The following ABCD3 variants were observed in gnomAD, a reference collection of about 807,000 sequenced individuals.
ABCD3 encodes the protein ATP binding cassette subfamily D member 3.
A neutral mutation model predicts 105.5 loss-of-function variants in ABCD3; 41 were observed. That is an observed-to-expected ratio of 0.39 (90% CI 0.30 to 0.50). The LOEUF is 0.50. Among genes scored for constraint, ABCD3 ranks in the 20% least tolerant of loss-of-function variants. ABCD3 has a pLI of 0.84. For missense variants in ABCD3, 622 were observed against 806.3 expected (o/e 0.77, Z 2.77); for synonymous variants, 258 against 269.0 (o/e 0.96, Z 0.40).
the ABCD3 span, among the ~76,000 whole-genome samples, chr1:94,404,969 A>G: frequency 1.3e-5 from 2 of 151,588 alleles, no homozygotes; most frequent in African/African-American, 4.8e-5. Context: ...AAAAACAAAC[A>G]GAAAAGAAAT....
intron 16 of ABCD3, among the ~76,000 whole-genome samples, chr1:94,497,263 G>T (rs961539585): frequency 2.0e-5 from 3 of 152,112 alleles, no homozygotes; most frequent in Non-Finnish European, 4.4e-5. Context: ...AAGGGTAGAG[G>T]TTTTTGGTTT....
chr1:94,440,917 A>T (rs773794262), intron 1 of ABCD3, among the ~76,000 whole-genome samples: 10 of 152,156 alleles, frequency 6.6e-5, no homozygotes, highest in Non-Finnish European at 1.5e-4. Flanking sequence ...TTTTTAATAA[A>T]TGCCAGTAGA....
intron 1 of ABCD3, among the ~76,000 whole-genome samples, chr1:94,456,287 TTTTTG>T (rs2100953997): frequency 2.0e-5 from 2 of 101,282 alleles, no homozygotes; most frequent in South Asian, 6.9e-4. Flanking sequence ...TTTTTTTTTT[TTTTTG>T]GAGACGGAGT....
chr1:94,472,337 A>G (rs1648494182), intron 4 of ABCD3: 2 of 361,444 alleles, frequency 5.5e-6, no homozygotes, highest in East Asian at 1.7e-4. Context: ...GGTTCAAACA[A>G]TTTTAACATA....
At chr1:94,385,131 G>A in the ABCD3 span, among the ~76,000 whole-genome samples, 1 of 152,068 alleles carries the variant, frequency 6.6e-6, no homozygotes, top group East Asian at 1.9e-4. Context: ...CCAGATCTGG[G>A]CAGATTAAAT....
chr1:94,480,432 C>T, intron 8 of ABCD3, 32 bp from the exon 9 acceptor site: 1 of 1,612,838 alleles, frequency 6.2e-7, no homozygotes, highest in Non-Finnish European at 8.5e-7. Context: ...TATCCCAGAA[C>T]TTTGTGTATC....
chr1:94,516,031 T>A lies in ABCD3; in HGVS notation c.1902+829T>A, dbSNP rs550338641. 9.3e-4 allele frequency among the ~76,000 whole-genome samples: 142 copies of A among 152,108 alleles called. 1 individual carries two copies. Among genetic ancestry groups the A allele is most frequent in the African/African-American group, 3.3e-3 (138 of 41,550 alleles). On this transcript the variant is annotated intron_variant, in intron 22 of 22. Coordinates refer to ENST00000370214, the MANE Select transcript of ABCD3 (RefSeq NM_002858.4). The stretch of plus-strand genomic sequence containing the variant: ...AATACATACCTGATTAAGGACCTTT[T>A]TTTGCCAGATACTGAGCTAAGTGTC...
At chr1:94,466,569 T>C (rs1415000083) in intron 3 of ABCD3, among the ~76,000 whole-genome samples, 1 of 152,352 alleles carries the variant, frequency 6.6e-6, no homozygotes, top group Admixed American at 6.5e-5. Context: ...TACAACATCA[T>C]GTCTGTGACA....
At chr1:94,394,163 G>A in the ABCD3 span, among the ~76,000 whole-genome samples, 1 of 152,230 alleles carries the variant, frequency 6.6e-6, no homozygotes, top group Middle Eastern at 3.4e-3. Flanking sequence ...CTATTCTTTA[G>A]CATACATGTG....
intron 20 of ABCD3, among the ~76,000 whole-genome samples, chr1:94,504,037 T>C (rs374721406): frequency 2.5e-4 from 37 of 150,598 alleles, no homozygotes; most frequent in African/African-American, 9.0e-4. Flanking sequence ...CTCAGCCTCC[T>C]GAGTAGCTGG....
intron 21 of ABCD3, among the ~76,000 whole-genome samples, chr1:94,510,767 T>C (rs1041703203): frequency 6.6e-6 from 1 of 152,178 alleles, no homozygotes; most frequent in Non-Finnish European, 1.5e-5. Context: ...TCTCTTTTGA[T>C]CTTTGTTGGT....
chr1:94,408,631 T>A, the ABCD3 span, among the ~76,000 whole-genome samples: 1 of 151,854 alleles, frequency 6.6e-6, no homozygotes, highest in African/African-American at 2.4e-5. Context: ...ATGCAAAGAA[T>A]GGGCAGAGCC....
chr1:94,409,394 A>T, the ABCD3 span, among the ~76,000 whole-genome samples: 19 of 152,234 alleles, frequency 1.2e-4, no homozygotes, highest in Admixed American at 5.9e-4. Flanking sequence ...AATTCATCTT[A>T]TTTTTTTAAC....
chr1:94,475,150 T>C lies in ABCD3; in HGVS notation c.413T>C (p.Leu138Pro). 1 of 1,594,832 alleles carries C rather than the reference T, an allele frequency of 6.3e-7. No individual in the cohort carries two copies. Among genetic ancestry groups the C allele is most frequent in the Non-Finnish European group, 8.6e-7 (1 of 1,167,230 alleles). ...TTTGTTTGTTTGTTTTAGATCTCTCTGGTTAATAACTTCTTGAAGTATGGG... is the reference window on the plus strand; with the variant it reads ...TTTGTTTGTTTGTTTTAGATCTCTCCGGTTAATAACTTCTTGAAGTATGGG... ...NFIAAMPLISLVNNFLKYGLN... is the reference protein window; with the variant it reads ...NFIAAMPLISPVNNFLKYGLN... The change falls in exon 6 of 23, where the codon CTG (leucine) becomes CCG (proline). Residue 138 changes from leucine (L) to proline (P), a missense_variant. By Grantham distance (98) the Leu-to-Pro change is moderately conservative. This residue lies in a region of ABCD3 where 245 missense variants were observed against 356.4 expected (regional missense o/e 0.69). Transcript: ENST00000370214.
chr1:94,446,924 A>G (rs967436484), intron 1 of ABCD3, among the ~76,000 whole-genome samples: 1 of 152,232 alleles, frequency 6.6e-6, no homozygotes, highest in Non-Finnish European at 1.5e-5. Flanking sequence ...ATGGGGAGCA[A>G]AAGTTCTAAT....
At chr1:94,464,631 C>T in intron 2 of ABCD3, 144 bp from the exon 3 acceptor site, 1 of 718,608 alleles carries the variant, frequency 1.4e-6, no homozygotes, top group Non-Finnish European at 2.5e-6. Context: ...ATATGAGGAG[C>T]AGTGTAAGTA....
At chr1:94,455,883 C>T (rs1647529424) in intron 1 of ABCD3, 1 of 1,200,142 alleles carries the variant, frequency 8.3e-7, no homozygotes. Flanking sequence ...CTCTAAGTAT[C>T]AATTTATAAC....
Position 94,473,754 on chromosome 1 carries a change from G to C in ABCD3, c.336-12G>C, listed in dbSNP as rs1432740130. ...CTTTTGCAACTAATGCATTGCATGTGGTGGTTTGCAGTGGTATCATTGGTC... is the reference window on the plus strand; with the variant it reads ...CTTTTGCAACTAATGCATTGCATGTCGTGGTTTGCAGTGGTATCATTGGTC... On this transcript the variant is annotated splice_polypyrimidine_tract_variant and intron_variant, in intron 4 of 22. Transcript: ENST00000370214. The C allele has an allele frequency of 6.2e-7, 1 of 1,608,838 alleles. No individual in the cohort carries two copies. Among genetic ancestry groups the C allele is most frequent in the Admixed American group, 1.7e-5 (1 of 59,898 alleles).
intron 1 of ABCD3, among the ~76,000 whole-genome samples, chr1:94,438,945 T>C (rs1660033559): frequency 6.6e-6 from 1 of 152,182 alleles, no homozygotes; most frequent in South Asian, 2.1e-4. Flanking sequence ...TCTTTGAGGG[T>C]ACACTGCTAT....
Sources: gnomAD v4.1 joint callset for allele counts (sites outside exome capture counted in the v4.1 genomes callset) on GRCh38, gnomAD v4.1.1 for gene constraint, gnomAD v4.1.1 regional missense constraint, MANE v1.5 for transcripts, NCBI Gene and HGNC (gene_info 2026-07-23, HGNC 2026-07-21) for gene names.